SLC35D4: variants seen among roughly 807,000 people sequenced by gnomAD.
SLC35D4 encodes solute carrier family 35 member D4.
chr18:23,391,006 G>A, the SLC35D4 span, among the ~76,000 whole-genome samples: 9 of 151,982 alleles, frequency 5.9e-5, no homozygotes, highest in African/African-American at 1.9e-4. Context: ...CTGGTGGATC[G>A]CCTAAGGTCA....
At chr18:23,359,663 G>A in the SLC35D4 span, among the ~76,000 whole-genome samples, 2,490 of 152,238 alleles carry the variant, frequency 0.016, 61 homozygotes, top group African/African-American at 0.057. Context: ...GAAAACAGGA[G>A]GTCGGTTCCA....
chr18:23,301,567 TAAACAGC>T, the SLC35D4 span, among the ~76,000 whole-genome samples: 5 of 152,370 alleles, frequency 3.3e-5, no homozygotes, highest in African/African-American at 1.2e-4. Context: ...TCATGGCTGA[TAAACAGC>T]GATCAATGGC....
chr18:23,265,362 A>G, the SLC35D4 span, among the ~76,000 whole-genome samples: 1 of 152,084 alleles, frequency 6.6e-6, no homozygotes, highest in African/African-American at 2.4e-5. Flanking sequence ...ATTTCTCCCA[A>G]TGCACGAGCC....
the SLC35D4 span, among the ~76,000 whole-genome samples, chr18:23,399,855 A>G: frequency 6.6e-6 from 1 of 152,188 alleles, no homozygotes; most frequent in African/African-American, 2.4e-5. Context: ...ATCATTACTG[A>G]TCATCTAGCC....
At chr18:23,379,000 C>A in the SLC35D4 span, among the ~76,000 whole-genome samples, 1 of 152,210 alleles carries the variant, frequency 6.6e-6, no homozygotes, top group Non-Finnish European at 1.5e-5. Flanking sequence ...GACGCGAGGC[C>A]AACCGTGCTG....
the SLC35D4 span, chr18:23,297,181 T>C: frequency 6.6e-6 from 1 of 152,188 alleles, no homozygotes. Flanking sequence ...CAAAGCATTG[T>C]GTTGTGCGTG....
At chr18:23,407,523 A>G in the SLC35D4 span, among the ~76,000 whole-genome samples, 3 of 152,188 alleles carry the variant, frequency 2.0e-5, no homozygotes, top group African/African-American at 4.8e-5. Context: ...CTCCAAAAAA[A>G]AAGTCAGTGG....
chr18:23,239,894 G>C, the SLC35D4 span, among the ~76,000 whole-genome samples: 1 of 152,190 alleles, frequency 6.6e-6, no homozygotes, highest in African/African-American at 2.4e-5. Context: ...AAGGCAGGTG[G>C]ATCACCTGAG....
the SLC35D4 span, among the ~76,000 whole-genome samples, chr18:23,383,697 C>T: frequency 6.6e-6 from 1 of 152,016 alleles, no homozygotes; most frequent in African/African-American, 2.4e-5. Flanking sequence ...ACACACCCTT[C>T]CAGGGCTGGG....
chr18:23,298,160 C>T, the SLC35D4 span: 34 of 1,409,972 alleles, frequency 2.4e-5, no homozygotes, highest in Non-Finnish European at 3.4e-5. Context: ...TGCTTCCCCT[C>T]ATCCTGCAAC....
the SLC35D4 span, among the ~76,000 whole-genome samples, chr18:23,286,929 T>TC: frequency 4.0e-5 from 6 of 151,570 alleles, no homozygotes; most frequent in Non-Finnish European, 5.9e-5. Context: ...TCCTCTTGTA[T>TC]CCCCCCACCT....
the SLC35D4 span, among the ~76,000 whole-genome samples, chr18:23,302,885 T>G: frequency 4.7e-4 from 71 of 152,372 alleles, no homozygotes; most frequent in Middle Eastern, 3.4e-3. Flanking sequence ...CATTAACAGC[T>G]GCTCCACATT....
At chr18:23,264,198 G>A in the SLC35D4 span, among the ~76,000 whole-genome samples, 27 of 152,290 alleles carry the variant, frequency 1.8e-4, no homozygotes, top group African/African-American at 6.3e-4. Flanking sequence ...AAGAAAAGAG[G>A]CTTAATTGCC....
At chr18:23,285,903 T>C in the SLC35D4 span, among the ~76,000 whole-genome samples, 3 of 152,040 alleles carry the variant, frequency 2.0e-5, no homozygotes, top group African/African-American at 7.2e-5. Context: ...CTCCTTTTTC[T>C]TTATCCCAAA....
chr18:23,257,519 C>T, the SLC35D4 span: 1 of 849,450 alleles, frequency 1.2e-6, no homozygotes, highest in Non-Finnish European at 1.7e-6. Flanking sequence ...AGAAACTTTC[C>T]AAGGAGTCTT....
chr18:23,320,260 A>C, the SLC35D4 span, among the ~76,000 whole-genome samples: 1 of 152,224 alleles, frequency 6.6e-6, no homozygotes, highest in Non-Finnish European at 1.5e-5. Context: ...GAGTTCACCA[A>C]TCCTGCTACA....
chr18:23,410,405 G>A, the SLC35D4 span, among the ~76,000 whole-genome samples: 1 of 151,900 alleles, frequency 6.6e-6, no homozygotes, highest in African/African-American at 2.4e-5. Context: ...ATGAACCCGG[G>A]AGGCAGAGCT....
At chr18:23,397,994 C>T in the SLC35D4 span, among the ~76,000 whole-genome samples, 4 of 152,216 alleles carry the variant, frequency 2.6e-5, no homozygotes, top group South Asian at 8.3e-4. Context: ...CCCAGAAGGT[C>T]GAGGCTCCAG....
the SLC35D4 span, among the ~76,000 whole-genome samples, chr18:23,245,408 G>T: frequency 6.6e-6 from 1 of 151,542 alleles, no homozygotes; most frequent in Non-Finnish European, 1.5e-5. Context: ...CTACTTGGGA[G>T]ACTGAGGCAC....
Sources: allele counts gnomAD v4.1 joint callset (sites outside exome capture counted in the v4.1 genomes callset), GRCh38; gene constraint gnomAD v4.1.1; transcripts MANE v1.5; gene names NCBI Gene and HGNC (gene_info 2026-07-23, HGNC 2026-07-21).